The following CDK12 variants were observed in gnomAD, a reference collection of about 807,000 sequenced individuals.
CDK12 encodes cyclin dependent kinase 12.
A neutral mutation model predicts 133.8 loss-of-function variants in CDK12; 17 were observed. The ratio of observed to expected loss-of-function variants is 0.13; its 90% confidence interval spans 0.09 to 0.19. CDK12 has a LOEUF of 0.19. Ranked by LOEUF, CDK12 falls within the 10% of genes least tolerant of loss-of-function variation. The pLI is 1.00. For synonymous variants in CDK12, 694 were observed against 683.6 expected (o/e 1.02, Z -0.24); for missense variants, 1,508 against 1,818.7 (o/e 0.83, Z 3.11).
Position 39,509,072 on chromosome 17 carries a change from T to C in CDK12, c.2610-633T>C, listed in dbSNP as rs185002466. 7.2e-5 allele frequency among the ~76,000 whole-genome samples: 11 copies of C among 151,986 alleles called. No homozygotes were observed. The East Asian group carries it at 2.1e-3, about 29-fold the overall frequency. ...TGAAGTGATTCTCAAAGCCTGATTC[T>C]CAGGCCAGCTGCATTGGCATCACGT... On this transcript the variant is annotated intron_variant, in intron 6 of 13. Transcript: ENST00000447079.
upstream of CDK12, chr17:39,544,356 G>A (rs548256283): frequency 6.2e-6 from 3 of 486,904 alleles, no homozygotes; most frequent in East Asian, 4.8e-5. Flanking sequence ...CTAAAGCCAA[G>A]CCAGGTAGGG....
upstream of CDK12, among the ~76,000 whole-genome samples, chr17:39,547,081 C>T (rs2055744887): frequency 6.7e-6 from 1 of 150,114 alleles, no homozygotes; most frequent in Admixed American, 6.6e-5. Context: ...TCTGAAGCCA[C>T]AGATGTGCAT....
Position 39,531,194 on chromosome 17 carries a change from A to G in CDK12, c.4351A>G (p.Ser1451Gly), listed in dbSNP as rs1368164491. The change falls in exon 14 of 14, where the codon AGC (serine) becomes GGC (glycine). Residue 1451 changes from serine to glycine, a missense_variant. Transcript: ENST00000447079. ...GCTGGGGCCAGGAACCACTGGGGCC[A>G]GCAGCTCAGGAGCAGGCCTTCACTG... ...GELGPGTTGA[S>G]SSGAGLHWGG... is the part of the protein sequence containing the mutation. The G allele has an allele frequency of 2.0e-6, 3 of 1,521,352 alleles. No homozygotes were observed. The highest frequency in any genetic ancestry group is 1.4e-5 in the African/African-American group (1 of 71,758). 94.2% of individuals were successfully genotyped at this position (1,521,352 alleles called of 1,614,324 possible).
chr17:39,520,955 C>T (rs1007198994), intron 11 of CDK12, among the ~76,000 whole-genome samples: 1 of 152,168 alleles, frequency 6.6e-6, no homozygotes, highest in Non-Finnish European at 1.5e-5. Flanking sequence ...TCAAGCGATT[C>T]ACCTGCCTCA....
At chr17:39,566,414 C>T (rs1203284500), downstream of CDK12, among the ~76,000 whole-genome samples, 1 of 152,078 alleles carries the variant, frequency 6.6e-6, no homozygotes. Context: ...GCAGTGTTGT[C>T]CCTATCATTT....
At chr17:39,558,104 G>A (rs2056229969) in intron 3 of CDK12, among the ~76,000 whole-genome samples, 1 of 152,178 alleles carries the variant, frequency 6.6e-6, no homozygotes, top group African/African-American at 2.4e-5. Context: ...AAGACTTTGT[G>A]AGTCCCCTGA....
At chr17:39,518,292 G>T (rs970761680) in intron 10 of CDK12, among the ~76,000 whole-genome samples, 3 of 151,402 alleles carry the variant, frequency 2.0e-5, no homozygotes, top group Non-Finnish European at 4.4e-5. Flanking sequence ...TTAGCCTTCT[G>T]AATAGCTGGG....
At chr17:39,540,536 A>G (rs1360429575) in intron 1 of CDK12, among the ~76,000 whole-genome samples, 1 of 152,198 alleles carries the variant, frequency 6.6e-6, no homozygotes, top group Non-Finnish European at 1.5e-5. Flanking sequence ...TGGGAAAGAA[A>G]ATAGTATTTT....
rs2048968858 is a variant in CDK12 at position 39,461,644 on chromosome 17, A to C, written c.-428A>C. 3.7e-6 allele frequency: 1 copy of C among 272,868 alleles called. No homozygotes were observed. The highest frequency in any genetic ancestry group is 7.1e-6 in the Non-Finnish European group (1 of 140,754). 16.9% of individuals were successfully genotyped at this position (272,868 alleles called of 1,614,324 possible). ...TAGGCCGCGGCACCCCGGCGACAGG[A>C]AGCCGTCCTGAACCGGGCTACCGGG... On this transcript the variant is annotated 5_prime_UTR_variant, in exon 1 of 14. Transcript: ENST00000447079.
intron 13 of CDK12, among the ~76,000 whole-genome samples, chr17:39,528,849 T>C (rs899437638): frequency 2.6e-5 from 4 of 152,218 alleles, no homozygotes; most frequent in Admixed American, 6.5e-5. Context: ...ATCCTCGTGT[T>C]CCATTTTATG....
intron 6 of CDK12, among the ~76,000 whole-genome samples, chr17:39,504,919 C>G (rs1269186807): frequency 8.5e-6 from 1 of 118,166 alleles, no homozygotes; most frequent in Non-Finnish European, 1.8e-5. Flanking sequence ...GAAAGAAAAT[C>G]TATAAAAAGG....
intron 2 of CDK12, among the ~76,000 whole-genome samples, chr17:39,551,719 T>C (rs1296826446): frequency 6.6e-6 from 1 of 152,162 alleles, no homozygotes. Flanking sequence ...ACTCTTGTAG[T>C]GTTGATGTAC....
intron 2 of CDK12, among the ~76,000 whole-genome samples, chr17:39,479,868 C>A (rs2050497052): frequency 6.6e-6 from 1 of 150,902 alleles, no homozygotes; most frequent in Non-Finnish European, 1.5e-5. Context: ...CTCAGGTGCT[C>A]CACCCACCTT....
At chr17:39,505,800 A>T (rs886822273) in intron 6 of CDK12, among the ~76,000 whole-genome samples, 2 of 152,182 alleles carry the variant, frequency 1.3e-5, no homozygotes, top group African/African-American at 2.4e-5. Flanking sequence ...AGTGTTTCAT[A>T]TATGCAGGTT....
intron 8 of CDK12, among the ~76,000 whole-genome samples, chr17:39,513,581 G>A (rs1598125703): frequency 2.6e-5 from 4 of 152,118 alleles, no homozygotes; most frequent in South Asian, 4.1e-4. Flanking sequence ...AGCTCTGTTC[G>A]GTACTATTAT....
intron 6 of CDK12, among the ~76,000 whole-genome samples, chr17:39,503,797 G>A (rs182305496): frequency 1.2e-4 from 19 of 152,316 alleles, no homozygotes; most frequent in African/African-American, 4.3e-4. Context: ...AGAAAATGGT[G>A]AAGGGTCGTC....
chr17:39,508,587 C>T (rs911360053), intron 6 of CDK12, among the ~76,000 whole-genome samples: 5 of 151,896 alleles, frequency 3.3e-5, no homozygotes, highest in Non-Finnish European at 5.9e-5. Flanking sequence ...AATACTTAGG[C>T]GATGGGTCAA....
At chr17:39,514,039 T>G (rs1175229424) in intron 8 of CDK12, among the ~76,000 whole-genome samples, 1 of 152,192 alleles carries the variant, frequency 6.6e-6, no homozygotes, top group African/African-American at 2.4e-5. Context: ...GCAGTTAATG[T>G]TGAAAACAGA....
intron 8 of CDK12, among the ~76,000 whole-genome samples, chr17:39,513,137 A>G (rs544743419): frequency 1.8e-4 from 28 of 152,278 alleles, no homozygotes; most frequent in Non-Finnish European, 3.4e-4. Context: ...TTACTGGAAA[A>G]TGATATTTAG....
Sources: allele counts gnomAD v4.1 joint callset (sites outside exome capture counted in the v4.1 genomes callset), GRCh38; gene constraint gnomAD v4.1.1; transcripts MANE v1.5; gene names NCBI Gene and HGNC (gene_info 2026-07-23, HGNC 2026-07-21).